ANGPTL5: variants seen among roughly 807,000 people sequenced by gnomAD.
The protein encoded by ANGPTL5 is angiopoietin like 5, also known as angiopoietin-related protein 5.
Under a neutral mutation model 39.4 loss-of-function variants are expected in ANGPTL5, and 34 were observed. That is an observed-to-expected ratio of 0.86 (90% CI 0.66 to 1.15). The LOEUF is 1.15. Ranked by LOEUF, ANGPTL5 falls within the 50% of genes most tolerant of loss-of-function variation. The probability of loss-of-function intolerance (pLI) is 0.00; values close to 1 mark genes in which losing one functional copy is unlikely to be tolerated. For missense variants in ANGPTL5, 467 were observed against 457.5 expected (o/e 1.02, Z -0.19); for synonymous variants, 146 against 152.1 (o/e 0.96, Z 0.29).
chr11:101,915,438 AG>A, intron 1 of ANGPTL5: 1 of 1,587,776 alleles, frequency 6.3e-7, no homozygotes, highest in Non-Finnish European at 8.6e-7. Flanking sequence ...TGTGGCTGCC[AG>A]GGTAGCGATG....
chr11:101,901,403 C>A (rs1349267902), intron 6 of ANGPTL5, among the ~76,000 whole-genome samples: 1 of 152,098 alleles, frequency 6.6e-6, no homozygotes, highest in Non-Finnish European at 1.5e-5. Flanking sequence ...TTCAGACTGG[C>A]ATTTTCAGAG....
rs369497815 is a variant in ANGPTL5 at position 101,891,412 on chromosome 11, C to T, written c.1034G>A (p.Gly345Asp). Residue 345 changes from glycine to aspartate, a missense_variant, in exon 9 of 9, where the codon GGC (glycine) becomes GAC (aspartate). Physicochemically the swap from Gly to Asp is moderately conservative, Grantham distance 94 (BLOSUM62 -1). Coordinates refer to ENST00000334289, the MANE Select transcript of ANGPTL5 (RefSeq NM_178127.5). ...CAATTTTCCAGAGAAGTGATGAATG[C>T]CATTTAGATTTGCTAGACCACACTC... ...FNECGLANLN[G>D]IHHFSGKLLA... 1.2e-6 allele frequency: 2 copies of T among 1,613,944 alleles called. No homozygotes were observed. Among genetic ancestry groups the T allele is most frequent in the African/African-American group, 1.3e-5 (1 of 74,868 alleles).
chr11:101,892,068 C>T (rs973920240), intron 8 of ANGPTL5, among the ~76,000 whole-genome samples: 1 of 151,988 alleles, frequency 6.6e-6, no homozygotes, highest in Non-Finnish European at 1.5e-5. Flanking sequence ...TTTCTAGGGG[C>T]CATCAACTTT....
intron 7 of ANGPTL5, among the ~76,000 whole-genome samples, chr11:101,897,326 G>T (rs11225052): frequency 0.055 from 8,392 of 152,188 alleles, 525 homozygotes; most frequent in East Asian, 0.31. Flanking sequence ...TCTGATGATA[G>T]TTTCTTTTGC....
chr11:101,896,278 C>A (rs1939792927), intron 7 of ANGPTL5, among the ~76,000 whole-genome samples: 2 of 151,528 alleles, frequency 1.3e-5, no homozygotes, highest in Admixed American at 1.3e-4. Flanking sequence ...CGCCTCCCCC[C>A]AGTTCAAGCG....
rs767052140 is a variant in ANGPTL5 at position 101,891,516 on chromosome 11, A to G, written c.930T>C (p.Cys310=). The change falls in exon 9 of 9, where the codon TGT becomes TGC. Residue 310 remains cysteine, a synonymous_variant. Transcript: ENST00000334289. ...GACCATTGACCAGGCATGCAGGGCGACACCCATCATTATCAACATCTGATG... is the reference window on the plus strand; with the variant it reads ...GACCATTGACCAGGCATGCAGGGCGGCACCCATCATTATCAACATCTGATG... ...FSTSDVDNDG[C]RPACLVNGQS... 1 of 1,614,096 alleles carries G rather than the reference A, an allele frequency of 6.2e-7. No homozygotes were observed. Among genetic ancestry groups the G allele is most frequent in the Non-Finnish European group, 8.5e-7 (1 of 1,179,978 alleles).
At chr11:101,914,236 T>A (rs1940144733) in intron 1 of ANGPTL5, among the ~76,000 whole-genome samples, 2 of 152,238 alleles carry the variant, frequency 1.3e-5, no homozygotes, top group Non-Finnish European at 2.9e-5. Context: ...AAACACTGAC[T>A]GAAATACAGT....
chr11:101,904,345 A>G lies in ANGPTL5; in HGVS notation c.439+469T>C, dbSNP rs188572245. ...GAAGTCCAAACCTCTAGGAATTAAT[A>G]TGCTGTATTTTAGTATAAAAAGTGC... On this transcript the variant is annotated intron_variant, in intron 5 of 8. Transcript: ENST00000334289. Among the ~76,000 whole-genome samples the G allele has an allele frequency of 1.4e-3, 218 of 152,318 alleles. 1 individual carries two copies. The highest frequency in any genetic ancestry group is 4.8e-3 in the African/African-American group (199 of 41,582).
intron 7 of ANGPTL5, among the ~76,000 whole-genome samples, chr11:101,896,113 C>T (rs1014370536): frequency 2.6e-5 from 4 of 152,038 alleles, no homozygotes; most frequent in Non-Finnish European, 5.9e-5. Flanking sequence ...CCCAGTACCC[C>T]ACCCTCAAAT....
chr11:101,914,469 C>G (rs562197522), intron 1 of ANGPTL5, among the ~76,000 whole-genome samples: 20 of 152,258 alleles, frequency 1.3e-4, no homozygotes, highest in Non-Finnish European at 2.4e-4. Flanking sequence ...AATGCGAGAA[C>G]CATTAGGAGG....
At chr11:101,912,576 C>T (rs959165260) in intron 1 of ANGPTL5, among the ~76,000 whole-genome samples, 2 of 151,772 alleles carry the variant, frequency 1.3e-5, no homozygotes, top group African/African-American at 2.4e-5. Flanking sequence ...ATTTAAAGGT[C>T]GAAAAAACCT....
chr11:101,906,917 AG>A, intron 3 of ANGPTL5, among the ~76,000 whole-genome samples, 185 bp downstream of exon 3: 1 of 152,206 alleles, frequency 6.6e-6, no homozygotes, highest in Non-Finnish European at 1.5e-5. Flanking sequence ...ACATAGAGAA[AG>A]GATCCATTCA....
chr11:101,907,127 G>T lies in ANGPTL5; in HGVS notation c.217C>A (p.Arg73=), dbSNP rs140984722. 2 of 1,580,772 alleles carry T rather than the reference G, an allele frequency of 1.3e-6. No individual in the cohort carries two copies. The highest frequency in any genetic ancestry group is 1.7e-5 in the Admixed American group (1 of 58,880). Reference sequence around the variant, plus strand: ...CTACACATGAAATGTTTTTCTTCTCGTGTAATTTTAGTTTTAACATCACAT... The same window carrying T: ...CTACACATGAAATGTTTTTCTTCTCTTGTAATTTTAGTTTTAACATCACAT... ...ESCDVKTKIT[R]EEKHFMCRNL... Residue 73 remains arginine, a synonymous_variant, in exon 3 of 9, where the codon CGA becomes AGA. Transcript: ENST00000334289.
At chr11:101,902,939 T>C (rs913008776) in intron 5 of ANGPTL5, among the ~76,000 whole-genome samples, 4 of 152,118 alleles carry the variant, frequency 2.6e-5, no homozygotes, top group African/African-American at 9.6e-5. Context: ...AATGTCACTG[T>C]TAGTGATTAG....
chr11:101,899,558 C>A (rs1291251863), intron 7 of ANGPTL5, among the ~76,000 whole-genome samples: 1 of 152,186 alleles, frequency 6.6e-6, no homozygotes, highest in Non-Finnish European at 1.5e-5. Flanking sequence ...CTATAACTAC[C>A]TAATTCAAGA....
rs956157293 is a variant in ANGPTL5 at position 101,904,706 on chromosome 11, C to T, written c.439+108G>A. ...ATTAGCCCTCCAGTCTGTTAGAGAA[C>T]GGTGAGCTGTAGTTTTTAAATAAAA... On this transcript the variant is annotated intron_variant, in intron 5 of 8. Coordinates refer to ENST00000334289, the MANE Select transcript of ANGPTL5 (RefSeq NM_178127.5). 36 of 952,058 alleles carry T rather than the reference C, an allele frequency of 3.8e-5. No homozygotes were observed. The Middle Eastern group carries it at 6.4e-4, about 17-fold the overall frequency. The allele number at this position is 952,058 out of a possible 1,614,324, so 59.0% of individuals were successfully genotyped here. A position where few individuals can be genotyped will look rare whatever the true frequency, so the allele number is the denominator to read the frequency against.
chr11:101,895,801 T>C (rs1939781127), intron 7 of ANGPTL5, among the ~76,000 whole-genome samples: 1 of 152,192 alleles, frequency 6.6e-6, no homozygotes, highest in African/African-American at 2.4e-5. Flanking sequence ...AGCCCAAATG[T>C]GTATATCTCT....
Position 101,904,907 on chromosome 11 carries a change from C to T in ANGPTL5, c.346G>A (p.Val116Ile). ...AGAACTCTATTCATGAGCTCGTTAA[C>T]CTAAACACATGCATACACATTTAAG... is the stretch of plus-strand genomic sequence containing the variant. Reference protein sequence around the residue: ...QASLDYLSNQVNELMNRVLLL... With the variant: ...QASLDYLSNQINELMNRVLLL... The change falls in exon 5 of 9, where the codon GTT becomes ATT. Residue 116 changes from valine to isoleucine, a missense_variant and splice_region_variant. Val to Ile is a conservative substitution (Grantham distance 29). Transcript: ENST00000334289. The T allele has an allele frequency of 6.2e-7, 1 of 1,608,600 alleles. No homozygotes were observed. Among genetic ancestry groups the T allele is most frequent in the Non-Finnish European group, 8.5e-7 (1 of 1,175,320 alleles).
intron 4 of ANGPTL5, 84 bp downstream of exon 4, chr11:101,905,660 G>T: frequency 1.1e-6 from 1 of 917,398 alleles, no homozygotes; most frequent in South Asian, 1.4e-5. Context: ...GAACATGAAT[G>T]CATTTTAAAA....
Sources: gnomAD v4.1 joint callset for allele counts (sites outside exome capture counted in the v4.1 genomes callset) on GRCh38, gnomAD v4.1.1 for gene constraint, MANE v1.5 for transcripts, NCBI Gene and HGNC (gene_info 2026-07-23, HGNC 2026-07-21) for gene names.